Variants in PLD1 observed in about 807,000 individuals in gnomAD.
PLD1 encodes the protein choline phosphatase 1.
Under a neutral mutation model 137.1 loss-of-function variants are expected in PLD1, and 112 were observed. The ratio of observed to expected loss-of-function variants is 0.82; its 90% confidence interval spans 0.70 to 0.96. The LOEUF is 0.96. Among genes scored for constraint, PLD1 ranks in the 40% least tolerant of loss-of-function variants. PLD1 has a pLI of 0.00. For synonymous variants in PLD1, 431 were observed against 454.7 expected, an observed-to-expected ratio of 0.95 and a Z score of 0.66; for missense variants, 1,321 against 1,342.0, an observed-to-expected ratio of 0.98 and a Z score of 0.24.
intron 11 of PLD1, among the ~76,000 whole-genome samples, chr3:171,704,493 A>T (rs2108552730): frequency 6.6e-6 from 1 of 151,696 alleles, no homozygotes. Flanking sequence ...TCTTGTACAG[A>T]AAAGGGAATC....
Position 171,757,146 on chromosome 3 carries a change from A to G in PLD1, c.-31-19064T>C, listed in dbSNP as rs556786687. On this transcript the variant is annotated intron_variant, in intron 1 of 26. Transcript: ENST00000351298. Reference sequence around the variant, plus strand: ...ATTGTCAAAACACTTAAAGAAAGCAATCTACCGACGTCTACATTGAATATT... The same window carrying G: ...ATTGTCAAAACACTTAAAGAAAGCAGTCTACCGACGTCTACATTGAATATT... Among the ~76,000 whole-genome samples the G allele has an allele frequency of 5.9e-5, 9 of 152,296 alleles. No individual in the cohort carries two copies. The South Asian group carries it at 1.9e-3, about 32-fold the overall frequency.
Position 171,686,563 on chromosome 3 carries a change from T to C in PLD1, c.1867+122A>G. On this transcript the variant is annotated intron_variant, in intron 16 of 26. Transcript: ENST00000351298. ...TGCACAGAGCAGGCTCTCAATAATATACGTAGCATAAAAATTGCAAACAGA... is the reference window on the plus strand; with the variant it reads ...TGCACAGAGCAGGCTCTCAATAATACACGTAGCATAAAAATTGCAAACAGA... The C allele has an allele frequency of 1.8e-5, 12 of 659,822 alleles. No homozygotes were observed. In the South Asian group the frequency reaches 2.3e-4, roughly 13 times the overall value. The allele number at this position is 659,822 out of a possible 1,614,324, so 40.9% of individuals were successfully genotyped here.
rs1362665761 is a variant in PLD1, at chr3:171,704,457, G to GAAAAAAAAA, written c.1145+4297_1145+4298insTTTTTTTTT. On this transcript the variant is annotated intron_variant, in intron 11 of 26. Coordinates refer to ENST00000351298, the MANE Select transcript of PLD1 (RefSeq NM_002662.5). ...AAAGTACCTGGCACACAAAGAACCA[G>GAAAAAAAAA]GAAAAAAAAAAAAAAAAAAACCTTA... Among the ~76,000 whole-genome samples, 314 of 98,096 alleles carry GAAAAAAAAA rather than the reference G, an allele frequency of 3.2e-3. 4 individuals are homozygous for GAAAAAAAAA. Among genetic ancestry groups the GAAAAAAAAA allele is most frequent in the African/African-American group, 0.012 (262 of 21,706 alleles). The allele number at this position is 98,096 out of a possible 152,430, so 64.4% of individuals were successfully genotyped here.
intron 1 of PLD1, among the ~76,000 whole-genome samples, chr3:171,742,816 T>A (rs1719879468): frequency 6.6e-6 from 1 of 152,228 alleles, no homozygotes; most frequent in African/African-American, 2.4e-5. Flanking sequence ...ACGACTTGGA[T>A]AAATATTTTT....
intron 19 of PLD1, among the ~76,000 whole-genome samples, chr3:171,674,252 G>A (rs1713096843): frequency 2.0e-5 from 3 of 152,204 alleles, no homozygotes; most frequent in African/African-American, 4.8e-5. Flanking sequence ...AGGAATTACA[G>A]GAATAGCCTT....
chr3:171,664,624 T>G (rs919908597), intron 19 of PLD1, among the ~76,000 whole-genome samples: 1 of 39,262 alleles, frequency 2.5e-5, no homozygotes, highest in South Asian at 5.0e-4. Context: ...TGCCCAGCTA[T>G]TTTTTTTTAT....
intron 16 of PLD1, among the ~76,000 whole-genome samples, chr3:171,685,571 C>CTACTCAG (rs1275346224): frequency 2.6e-5 from 4 of 152,174 alleles, no homozygotes; most frequent in African/African-American, 9.7e-5. Flanking sequence ...AGCACTGCAA[C>CTACTCAG]TACTCAGGGC....
At chr3:171,773,461 G>C (rs1722476761) in intron 1 of PLD1, among the ~76,000 whole-genome samples, 2 of 151,992 alleles carry the variant, frequency 1.3e-5, no homozygotes, top group South Asian at 4.2e-4. Flanking sequence ...AATTAGCCGG[G>C]CGTGGAGTAG....
At chr3:171,668,344 C>G (rs148056786) in intron 19 of PLD1, among the ~76,000 whole-genome samples, 2 of 152,176 alleles carry the variant, frequency 1.3e-5, no homozygotes, top group African/African-American at 4.8e-5. Flanking sequence ...CTTTTACCCC[C>G]ACCTGCTCAC....
intron 24 of PLD1, among the ~76,000 whole-genome samples, chr3:171,616,265 C>T (rs1733103456): frequency 6.6e-6 from 1 of 152,066 alleles, no homozygotes; most frequent in African/African-American, 2.4e-5. Flanking sequence ...ATTCTCTTTA[C>T]AGTACCTTTT....
chr3:171,660,474 T>C (rs1163774745), intron 20 of PLD1, among the ~76,000 whole-genome samples: 2 of 152,242 alleles, frequency 1.3e-5, no homozygotes, highest in East Asian at 1.9e-4. Flanking sequence ...GTCGGATGAA[T>C]GCTGACTGCT....
In PLD1 at chr3:171,762,691, C is replaced by G. The variant is rs531848656; in HGVS notation, c.-31-24609G>C. Among the ~76,000 whole-genome samples, 374 of 152,240 alleles carry G rather than the reference C, an allele frequency of 2.5e-3. 1 individual carries two copies. The highest frequency in any genetic ancestry group is 8.8e-3 in the African/African-American group (365 of 41,538). On this transcript the variant is annotated intron_variant, in intron 1 of 26. Coordinates refer to ENST00000351298, the MANE Select transcript of PLD1 (RefSeq NM_002662.5). ...AAGGGGTATGGTGGGTCGGACTGTG[C>G]AATCTAAGGAACAATATATGCATCT... is the stretch of plus-strand genomic sequence containing the variant.
chr3:171,788,338 G>T (rs1033568289), intron 1 of PLD1, among the ~76,000 whole-genome samples: 1 of 146,414 alleles, frequency 6.8e-6, no homozygotes, highest in Non-Finnish European at 1.5e-5. Flanking sequence ...TGAGAAACAG[G>T]CTTATCAGTT....
intron 1 of PLD1, among the ~76,000 whole-genome samples, chr3:171,777,190 G>A (rs1303494506): frequency 6.6e-6 from 1 of 152,076 alleles, no homozygotes; most frequent in African/African-American, 2.4e-5. Context: ...TTTAAATAAG[G>A]AGCCAGAGTG....
At chr3:171,663,673 T>C (rs1388579895) in intron 19 of PLD1, among the ~76,000 whole-genome samples, 1 of 152,194 alleles carries the variant, frequency 6.6e-6, no homozygotes, top group African/African-American at 2.4e-5. Flanking sequence ...ATCACTTTTT[T>C]CCAACATTCT....
chr3:171,668,533 C>CT (rs1013157598), intron 19 of PLD1, among the ~76,000 whole-genome samples: 1 of 151,184 alleles, frequency 6.6e-6, no homozygotes, highest in South Asian at 2.1e-4. Flanking sequence ...TGAAAATTTT[C>CT]TTTTTTTTTC....
rs1306002560 is a variant in PLD1 at position 171,737,518 on chromosome 3, A to T, written c.288+14T>A. The T allele has an allele frequency of 8.8e-6, 14 of 1,596,610 alleles. No homozygotes were observed. Among genetic ancestry groups the T allele is most frequent in the Non-Finnish European group, 1.0e-5 (12 of 1,175,528 alleles). Reference sequence around the variant, plus strand: ...TGACAAAAGAAAAAAGGGTGAGTCCATAAACGCTCTGACCCTTGTTGTAGA... The same window carrying T: ...TGACAAAAGAAAAAAGGGTGAGTCCTTAAACGCTCTGACCCTTGTTGTAGA... On this transcript the variant is annotated intron_variant, in intron 3 of 26. Transcript: ENST00000351298.
At chr3:171,657,098 A>G (rs896650593) in intron 21 of PLD1, among the ~76,000 whole-genome samples, 1 of 152,212 alleles carries the variant, frequency 6.6e-6, no homozygotes, top group African/African-American at 2.4e-5. Flanking sequence ...TATTGTGGTT[A>G]GTGGCCTAGA....
At chr3:171,686,866 C>G (rs764795559) in intron 15 of PLD1, 68 bp from the exon 16 acceptor site, 163 of 780,020 alleles carry the variant, frequency 2.1e-4, no homozygotes, top group Non-Finnish European at 2.7e-4. Flanking sequence ...GAAAGCAAAG[C>G]TGATCATTTT....
Sources: gnomAD v4.1 joint callset for allele counts (sites outside exome capture counted in the v4.1 genomes callset) on GRCh38, gnomAD v4.1.1 for gene constraint, MANE v1.5 for transcripts, NCBI Gene and HGNC (gene_info 2026-07-23, HGNC 2026-07-21) for gene names.